The following MAP2K3 variants were observed in gnomAD, a reference collection of about 807,000 sequenced individuals.
MAP2K3 encodes the protein mitogen-activated protein kinase kinase 3, also known as dual specificity mitogen-activated protein kinase kinase 3.
A neutral mutation model predicts 46.4 loss-of-function variants in MAP2K3; 30 were observed. That is an observed-to-expected ratio of 0.65 (90% CI 0.48 to 0.88). MAP2K3 has a LOEUF of 0.88. Among genes scored for constraint, MAP2K3 ranks in the 40% least tolerant of loss-of-function variants. MAP2K3 has a pLI of 0.00. For synonymous variants in MAP2K3, 189 were observed against 176.3 expected, an observed-to-expected ratio of 1.07 and a Z score of -0.57; for missense variants, 380 against 464.5, an observed-to-expected ratio of 0.82 and a Z score of 1.67.
At position 21,294,809 on chromosome 17, in the gene MAP2K3, G is replaced by T. The variant is rs1976148154; in HGVS notation, c.50-3604G>T. On this transcript the variant is annotated intron_variant, in intron 1 of 11. Transcript: ENST00000342679. ...TATGGCATGACGCTGATAACCCGGGGAGGTTTGTCTGTAATCTCCACTTTA... is the reference window on the plus strand; with the variant it reads ...TATGGCATGACGCTGATAACCCGGGTAGGTTTGTCTGTAATCTCCACTTTA... Among the ~76,000 whole-genome samples the T allele has an allele frequency of 4.6e-5, 7 of 152,426 alleles. No individual in the cohort carries two copies. The South Asian group carries it at 1.4e-3, about 32-fold the overall frequency.
At chr17:21,310,863 C>G (rs1977128263) in intron 9 of MAP2K3, among the ~76,000 whole-genome samples, 1 of 152,186 alleles carries the variant, frequency 6.6e-6, no homozygotes, top group Non-Finnish European at 1.5e-5. Context: ...TTTTTGAGCT[C>G]TTTAGAAAAA....
intron 5 of MAP2K3, 150 bp from the exon 6 acceptor site, chr17:21,301,992 TG>T: frequency 1.4e-6 from 1 of 719,034 alleles, no homozygotes; most frequent in Non-Finnish European, 2.3e-6. Context: ...GGCAAGTGGG[TG>T]GTGGGTGGGA....
chr17:21,301,616 G>C (rs76626085), intron 5 of MAP2K3, among the ~76,000 whole-genome samples: 1 of 152,306 alleles, frequency 6.6e-6, no homozygotes, highest in Admixed American at 6.5e-5. Context: ...CACTCATGAA[G>C]AGCTCAGCAT....
Position 21,304,436 on chromosome 17 carries a change from C to G in MAP2K3, c.579C>G (p.Pro193=). The part of the protein sequence containing the change: ...KLSVIHRDVK[P]SNVLINKEGH... ...GTCCCTCCCTGGCAGATGTGAAGCC[C>G]TCCAATGTCCTTATCAACAAGGAGG... Residue 193 remains proline (P), a synonymous_variant, in exon 8 of 12, where the codon CCC becomes CCG. Transcript: ENST00000342679. The G allele has an allele frequency of 9.3e-6, 15 of 1,614,312 alleles. No homozygotes were observed. Among genetic ancestry groups the G allele is most frequent in the Non-Finnish European group, 1.3e-5 (15 of 1,180,056 alleles).
At chr17:21,296,266 G>C (rs944531159) in intron 1 of MAP2K3, 25 of 1,115,116 alleles carry the variant, frequency 2.2e-5, no homozygotes, top group South Asian at 2.2e-4. Context: ...AAGGTGCAGA[G>C]GAGGGCACCA....
intron 1 of MAP2K3, among the ~76,000 whole-genome samples, chr17:21,294,407 G>A (rs760400842): frequency 2.0e-5 from 3 of 152,310 alleles, no homozygotes; most frequent in Non-Finnish European, 2.9e-5. Flanking sequence ...GAGTGGAGGC[G>A]GAGCAGGGGC....
At position 21,314,285 on chromosome 17, in the gene MAP2K3, G is replaced by A. The variant is rs1977307191; in HGVS notation, c.*55G>A. ...TCCAGAGCCCCACAGCCCCATCTGC[G>A]GGGGCAGTGCTCACCCACACCATAA... On this transcript the variant is annotated 3_prime_UTR_variant, in exon 12 of 12. Transcript: ENST00000342679. 6.9e-6 allele frequency: 10 copies of A among 1,451,580 alleles called. No individual in the cohort carries two copies. The highest frequency in any genetic ancestry group is 3.3e-5 in the Admixed American group (2 of 59,796). The allele number at this position is 1,451,580 out of a possible 1,614,324, so 89.9% of individuals were successfully genotyped here.
At position 21,298,484 on chromosome 17, in the gene MAP2K3, G is replaced by C; in HGVS notation, c.116+5G>C. 6.2e-7 allele frequency: 1 copy of C among 1,614,316 alleles called. No homozygotes were observed. The highest frequency in any genetic ancestry group is 8.5e-7 in the Non-Finnish European group (1 of 1,180,056). ...GCCACCCGCACCCAACCCCACGTGA[G>C]TCTGCCTCAGTTTCTCCCTGGCTCA... is the stretch of plus-strand genomic sequence containing the variant. On this transcript the variant is annotated splice_donor_5th_base_variant and intron_variant, in intron 2 of 11. Transcript: ENST00000342679.
intron 6 of MAP2K3, among the ~76,000 whole-genome samples, chr17:21,302,801 C>T (rs1976679637): frequency 6.6e-6 from 1 of 152,312 alleles, no homozygotes; most frequent in African/African-American, 2.4e-5. Flanking sequence ...CTGCCTCAGG[C>T]TCCCCACCCA....
intron 1 of MAP2K3, 195 bp downstream of exon 1, chr17:21,285,164 C>G (rs1975691046): frequency 1.9e-5 from 17 of 908,994 alleles, no homozygotes; most frequent in Non-Finnish European, 2.1e-5. Flanking sequence ...CACGTTAGGC[C>G]TTGGGACTGC....
At chr17:21,304,329 G>T in intron 7 of MAP2K3, 97 bp from the exon 8 acceptor site, 2 of 1,594,538 alleles carry the variant, frequency 1.3e-6, no homozygotes, top group Non-Finnish European at 1.7e-6. Context: ...CACAGGAGGG[G>T]TCTTGGGCGA....
rs373525024 is a variant in MAP2K3, at chr17:21,298,910, T to G, written c.149T>G (p.Ile50Ser). The G allele has an allele frequency of 3.7e-6, 6 of 1,614,184 alleles. No homozygotes were observed. The highest frequency in any genetic ancestry group is 1.3e-5 in the African/African-American group (1 of 74,968). ...PPRNLDSRTF[I>S]TIGDRNFEVE... Reference sequence around the variant, plus strand: ...CGGAACCTGGACTCCCGGACCTTCATCACCATTGGAGACAGAGTAGGTGCC... The same window carrying G: ...CGGAACCTGGACTCCCGGACCTTCAGCACCATTGGAGACAGAGTAGGTGCC... Residue 50 changes from isoleucine (I) to serine (S), a missense_variant, in exon 3 of 12, where the codon ATC becomes AGC. Around this residue, in one of 5 missense-constraint regions of MAP2K3, gnomAD observed 294 missense variants for 275.4 expected, o/e 1.07. Coordinates refer to ENST00000342679, the MANE Select transcript of MAP2K3 (RefSeq NM_145109.3).
chr17:21,301,784 G>A (rs1055259788), intron 5 of MAP2K3, among the ~76,000 whole-genome samples: 60 of 152,394 alleles, frequency 3.9e-4, no homozygotes, highest in African/African-American at 1.2e-3. Context: ...CAGCTGGCAT[G>A]AGGGTGTCTG....
At chr17:21,313,923 A>C (rs1977285901) in intron 11 of MAP2K3, 1 of 589,862 alleles carries the variant, frequency 1.7e-6, no homozygotes. Context: ...TGTGGGGGGA[A>C]AGGGAGGTTA....
At chr17:21,306,248 G>T (rs890517294) in intron 9 of MAP2K3, among the ~76,000 whole-genome samples, 2 of 152,190 alleles carry the variant, frequency 1.3e-5, no homozygotes, top group Admixed American at 6.5e-5. Context: ...CAAATTGGGG[G>T]TCCCCATGAC....
intron 9 of MAP2K3, among the ~76,000 whole-genome samples, chr17:21,309,257 C>T (rs1977048916): frequency 1.3e-5 from 2 of 152,308 alleles, no homozygotes; most frequent in Admixed American, 1.3e-4. Flanking sequence ...CTGGAACTGG[C>T]ACAGCATCAC....
Position 21,305,037 on chromosome 17 carries a change from C to T in MAP2K3, c.697-14C>T. ...CTGGGGCGGGTGTTCACGCCTCACT[C>T]TTCCCTCCTGCAGCCTGAGAGGATC... is the stretch of plus-strand genomic sequence containing the variant. On this transcript the variant is annotated splice_polypyrimidine_tract_variant and intron_variant, in intron 8 of 11. Transcript: ENST00000342679. The T allele has an allele frequency of 6.2e-7, 1 of 1,614,176 alleles. No homozygotes were observed. The highest frequency in any genetic ancestry group is 8.5e-7 in the Non-Finnish European group (1 of 1,179,976).
chr17:21,297,388 A>G (rs1341546828), intron 1 of MAP2K3, among the ~76,000 whole-genome samples: 3 of 152,302 alleles, frequency 2.0e-5, no homozygotes, highest in Non-Finnish European at 4.4e-5. Flanking sequence ...ATGTGGCAGG[A>G]TCATGCTTGG....
At chr17:21,302,003 A>C in intron 5 of MAP2K3, 140 bp from the exon 6 acceptor site, 3 of 794,920 alleles carry the variant, frequency 3.8e-6, no homozygotes, top group East Asian at 5.2e-5. Flanking sequence ...GGTGGGTGGG[A>C]GCCCGGTGAA....
Sources: allele counts gnomAD v4.1 joint callset (sites outside exome capture counted in the v4.1 genomes callset), GRCh38; gene constraint gnomAD v4.1.1; regional missense constraint gnomAD v4.1.1; transcripts MANE v1.5; gene names NCBI Gene and HGNC (gene_info 2026-07-23, HGNC 2026-07-21).